SRL: variants seen among roughly 807,000 people sequenced by gnomAD.
SRL encodes sarcalumenin.
Under a neutral mutation model 39.5 loss-of-function variants are expected in SRL, and 23 were observed. The ratio of observed to expected loss-of-function variants is 0.58; its 90% CI spans 0.42 to 0.82. SRL has a LOEUF of 0.82. Among genes scored for constraint, SRL ranks in the 40% least tolerant of loss-of-function variants. The pLI, the probability that SRL is intolerant of heterozygous loss-of-function variation, is 0.00. For synonymous variants in SRL, 272 were observed against 237.4 expected, an observed-to-expected ratio of 1.15 and a Z score of -1.34; for missense variants, 592 against 607.8, an observed-to-expected ratio of 0.97 and a Z score of 0.27.
At chr16:4,232,713 T>G (rs796427563) in intron 1 of SRL, among the ~76,000 whole-genome samples, 8 of 152,314 alleles carry the variant, frequency 5.3e-5, no homozygotes, top group African/African-American at 1.7e-4. Context: ...GGTTTCTCCA[T>G]GTTGCCCAAG....
At chr16:4,202,181 A>C (rs2052243709) in intron 3 of SRL, among the ~76,000 whole-genome samples, 1 of 152,224 alleles carries the variant, frequency 6.6e-6, no homozygotes, top group African/African-American at 2.4e-5. Context: ...CAGCTCACCT[A>C]ACAGGATCCC....
intron 1 of SRL, 50 bp from the exon 2 acceptor site, chr16:4,204,684 G>GAGCAA: frequency 6.4e-7 from 1 of 1,556,074 alleles, no homozygotes; most frequent in South Asian, 1.1e-5. Flanking sequence ...ACAGCCAGCT[G>GAGCAA]AGCTCTGGGC....
chr16:4,230,667 T>C (rs929829650), intron 1 of SRL, among the ~76,000 whole-genome samples: 3 of 151,612 alleles, frequency 2.0e-5, no homozygotes, highest in African/African-American at 2.4e-5. Flanking sequence ...GGATTACAGG[T>C]GTGAGCCACC....
chr16:4,201,042 T>A (rs945065873), intron 3 of SRL, among the ~76,000 whole-genome samples: 1 of 152,186 alleles, frequency 6.6e-6, no homozygotes, highest in Non-Finnish European at 1.5e-5. Context: ...CATCTACTGT[T>A]ATTGTGAGTA....
At chr16:4,213,410 T>TC (rs2052418187) in intron 1 of SRL, among the ~76,000 whole-genome samples, 1 of 63,254 alleles carries the variant, frequency 1.6e-5, no homozygotes, top group Admixed American at 1.3e-4. Flanking sequence ...TTTTCTTTTT[T>TC]TTTTTTTTTT....
At chr16:4,207,188 G>T (rs1027803411) in intron 1 of SRL, 1 of 456,878 alleles carries the variant, frequency 2.2e-6, no homozygotes, top group Non-Finnish European at 4.4e-6. Context: ...CCTCTTCGGA[G>T]GGAACTCCTC....
In SRL at chr16:4,191,832, C is replaced by T. The variant is rs776729088; in HGVS notation, c.*321G>A. ...TTTCAGCTGCTTTTAGCTTATTTGA[C>T]CCTCACTGATTTAAGATACACTAGA... On this transcript the variant is annotated 3_prime_UTR_variant, in exon 6 of 6. Coordinates refer to ENST00000399609, the MANE Select transcript of SRL (RefSeq NM_001098814.2). 2 of 264,268 alleles carry T rather than the reference C, an allele frequency of 7.6e-6. No homozygotes were observed. Among genetic ancestry groups the T allele is most frequent in the Non-Finnish European group, 1.4e-5 (2 of 140,104 alleles). 16.4% of individuals were successfully genotyped at this position (264,268 alleles called of 1,614,324 possible). A position where few individuals can be genotyped will look rare whatever the true frequency, so the allele number is the denominator to read the frequency against.
intron 1 of SRL, among the ~76,000 whole-genome samples, chr16:4,212,173 A>G (rs1567181824): frequency 6.6e-6 from 1 of 152,148 alleles, no homozygotes; most frequent in Non-Finnish European, 1.5e-5. Context: ...TGGTTTTCAC[A>G]ACTTAGGGCT....
rs1241583908 is a variant in SRL, at chr16:4,192,207, G to C, written c.1368C>G (p.Asn456Lys). The C allele has an allele frequency of 6.9e-6, 11 of 1,597,922 alleles. No individual in the cohort carries two copies. The highest frequency in any genetic ancestry group is 9.4e-6 in the Non-Finnish European group (11 of 1,173,348). ...LGLGKNPGAL[N>K]CDKTGCSETP... ...TTTCGCTACACCCTGTTTTGTCACAGTTGAGAGCACCTGGATTCTTCCCGA... is the reference window on the plus strand; with the variant it reads ...TTTCGCTACACCCTGTTTTGTCACACTTGAGAGCACCTGGATTCTTCCCGA... Residue 456 changes from asparagine to lysine, a missense_variant, in exon 6 of 6, where the codon AAC (asparagine) becomes AAG (lysine). Physicochemically the swap from Asn to Lys is moderately conservative, Grantham distance 94 (BLOSUM62 0). Coordinates refer to ENST00000399609, the MANE Select transcript of SRL (RefSeq NM_001098814.2). The surrounding 1 kb of genome is among the most constrained non-coding windows in gnomAD (Gnocchi z 4.0).
rs11644644 is a variant in SRL at position 4,196,868 on chromosome 16, T to C, written c.376+931A>G. Among the ~76,000 whole-genome samples the C allele has an allele frequency of 7.2e-3, 1,093 of 152,320 alleles. 4 individuals carry two copies. Among genetic ancestry groups the C allele is most frequent in the Middle Eastern group, 0.014 (4 of 294 alleles). ...GCATAATGTCTTCATGGTTCATCCA[T>C]GTAGCAGATATCAGAATTTCATTCC... is the stretch of plus-strand genomic sequence containing the variant. On this transcript the variant is annotated intron_variant, in intron 4 of 5. Transcript: ENST00000399609.
At chr16:4,240,044 G>A (rs2052756124) in intron 1 of SRL, among the ~76,000 whole-genome samples, 1 of 152,212 alleles carries the variant, frequency 6.6e-6, no homozygotes, top group South Asian at 2.1e-4. Context: ...GCGAGAAGGA[G>A]GGCTGCAGAG....
intron 5 of SRL, among the ~76,000 whole-genome samples, chr16:4,193,403 T>G (rs1381736904): frequency 1.3e-5 from 2 of 152,212 alleles, no homozygotes; most frequent in East Asian, 3.8e-4. Context: ...AAATGGAGAT[T>G]GTCCTATTGT....
At chr16:4,211,589 A>T (rs898170083) in intron 1 of SRL, among the ~76,000 whole-genome samples, 2 of 144,638 alleles carry the variant, frequency 1.4e-5, no homozygotes, top group Non-Finnish European at 3.0e-5. Flanking sequence ...GATGGTGATG[A>T]TGGTGATGGT....
Position 4,209,494 on chromosome 16 carries a change from C to A in SRL, c.62-4860G>T, listed in dbSNP as rs539547731. Among the ~76,000 whole-genome samples the A allele has an allele frequency of 3.3e-5, 5 of 152,242 alleles. No homozygotes were observed. In the South Asian group the frequency reaches 6.2e-4, roughly 19 times the overall value. On this transcript the variant is annotated intron_variant, in intron 1 of 5. Coordinates refer to ENST00000399609, the MANE Select transcript of SRL (RefSeq NM_001098814.2). ...ACCTATCTGCTGGATGCAGACAACC[C>A]CCCTCTCTCAGGCCACCACTTGCTA... is the stretch of plus-strand genomic sequence containing the variant.
At chr16:4,204,418 C>A in intron 2 of SRL, 115 bp downstream of exon 2, 1 of 940,396 alleles carries the variant, frequency 1.1e-6, no homozygotes, top group Non-Finnish European at 1.7e-6. Context: ...GATACAGCCC[C>A]GGCCTCCAAG....
chr16:4,204,086 C>T (rs767012105), intron 2 of SRL, among the ~76,000 whole-genome samples: 2 of 152,234 alleles, frequency 1.3e-5, no homozygotes, highest in Admixed American at 6.5e-5. Flanking sequence ...GAGCAAATCG[C>T]TGCTAGCCTG....
intron 1 of SRL, among the ~76,000 whole-genome samples, chr16:4,227,233 G>A (rs2052603436): frequency 6.6e-6 from 1 of 151,654 alleles, no homozygotes; most frequent in African/African-American, 2.4e-5. Context: ...TGGATGGGTG[G>A]GTGGATGGAT....
intron 1 of SRL, among the ~76,000 whole-genome samples, chr16:4,226,456 T>C (rs776459865): frequency 6.8e-6 from 1 of 147,152 alleles, no homozygotes; most frequent in African/African-American, 2.5e-5. Flanking sequence ...AATGGAAGGA[T>C]GGAAGGAAGG....
chr16:4,218,331 G>GTAAGGGCA (rs2052484418), intron 1 of SRL, among the ~76,000 whole-genome samples: 1 of 152,174 alleles, frequency 6.6e-6, no homozygotes, highest in Admixed American at 6.5e-5. Flanking sequence ...CGAAGGCAGA[G>GTAAGGGCA]GACCGGTAAG....
Sources: allele counts gnomAD v4.1 joint callset (sites outside exome capture counted in the v4.1 genomes callset), GRCh38; gene constraint gnomAD v4.1.1; non-coding constraint Gnocchi (gnomAD v3.1); transcripts MANE v1.5; gene names NCBI Gene and HGNC (gene_info 2026-07-23, HGNC 2026-07-21).